FBP1: variants seen among roughly 807,000 people sequenced by gnomAD.
FBP1 encodes the protein fructose-bisphosphatase 1.
In FBP1, 22 loss-of-function variants were observed where a neutral mutation model predicts 29.9. That is an observed-to-expected ratio of 0.74 (90% CI 0.53 to 1.05). FBP1 has a LOEUF of 1.05. FBP1 is among the 50% of genes least tolerant of loss of function. The probability of loss-of-function intolerance (pLI) is 0.00; values close to 1 mark genes in which losing one functional copy is unlikely to be tolerated. For synonymous variants in FBP1, 175 were observed against 178.6 expected (o/e 0.98, Z 0.16); for missense variants, 345 against 448.2 (o/e 0.77, Z 2.08).
At chr9:94,605,370 T>C in intron 6 of FBP1, 87 bp downstream of exon 6, 1 of 1,451,838 alleles carries the variant, frequency 6.9e-7, no homozygotes, top group African/African-American at 1.4e-5. Flanking sequence ...GCGTAATAGC[T>C]AGCAAAACCT....
At chr9:94,620,682 A>G (rs1388281127) in intron 1 of FBP1, among the ~76,000 whole-genome samples, 191 bp from the exon 2 acceptor site, 2 of 152,196 alleles carry the variant, frequency 1.3e-5, no homozygotes, top group African/African-American at 4.8e-5. Flanking sequence ...CAAACACCAC[A>G]TGTTCTCACT....
chr9:94,605,723 A>T (rs1827688123), intron 5 of FBP1, 147 bp from the exon 6 acceptor site: 1 of 771,632 alleles, frequency 1.3e-6, no homozygotes, highest in South Asian at 1.6e-5. Flanking sequence ...ATGTGATGAG[A>T]ATCCTGTTCC....
At chr9:94,629,276 G>C (rs540129106) in intron 1 of FBP1, among the ~76,000 whole-genome samples, 3 of 152,290 alleles carry the variant, frequency 2.0e-5, no homozygotes, top group Non-Finnish European at 4.4e-5. Context: ...CACCACACCT[G>C]GCCAAAGGTT....
At chr9:94,637,865 C>T (rs1038610790) in intron 1 of FBP1, among the ~76,000 whole-genome samples, 4 of 151,760 alleles carry the variant, frequency 2.6e-5, no homozygotes, top group African/African-American at 7.3e-5. Context: ...AAGGCATCAC[C>T]GGAGGTCGGG....
intron 1 of FBP1, among the ~76,000 whole-genome samples, chr9:94,634,042 C>A (rs1345112740): frequency 4.7e-5 from 7 of 150,502 alleles, no homozygotes; most frequent in Non-Finnish European, 8.9e-5. Context: ...GCCTGTAATC[C>A]CAGGACTTTG....
chr9:94,632,502 T>C (rs770617940), intron 1 of FBP1, among the ~76,000 whole-genome samples: 1 of 152,246 alleles, frequency 6.6e-6, no homozygotes, highest in African/African-American at 2.4e-5. Flanking sequence ...ACCCCGTCTC[T>C]ACTAAAAATA....
At chr9:94,617,604 G>T (rs985298304) in intron 3 of FBP1, among the ~76,000 whole-genome samples, 164 bp downstream of exon 3, 1 of 151,980 alleles carries the variant, frequency 6.6e-6, no homozygotes, top group Non-Finnish European at 1.5e-5. Context: ...GTGGGTCTTC[G>T]TCATGCAATT....
intron 6 of FBP1, 109 bp downstream of exon 6, chr9:94,605,348 A>G: frequency 8.7e-7 from 1 of 1,153,210 alleles, no homozygotes; most frequent in African/African-American, 1.5e-5. Context: ...ACACGTAGCA[A>G]CCTAGCATGG....
chr9:94,630,288 G>A (rs931027747), intron 1 of FBP1, among the ~76,000 whole-genome samples: 2 of 152,144 alleles, frequency 1.3e-5, no homozygotes, highest in African/African-American at 4.8e-5. Context: ...AGTGGTATTG[G>A]TAATGCCTGC....
chr9:94,603,827 C>T (rs2131470151), intron 6 of FBP1: 1 of 529,436 alleles, frequency 1.9e-6, no homozygotes, highest in Non-Finnish European at 3.5e-6. Flanking sequence ...AAATGTGAGA[C>T]AGACCACCTG....
intron 1 of FBP1, among the ~76,000 whole-genome samples, chr9:94,625,590 T>C (rs1249080543): frequency 6.6e-6 from 1 of 152,058 alleles, no homozygotes; most frequent in Non-Finnish European, 1.5e-5. Context: ...GGTCAGGAGA[T>C]CGAGACCATC....
intron 1 of FBP1, among the ~76,000 whole-genome samples, chr9:94,629,212 C>A (rs1158156699): frequency 1.3e-5 from 2 of 151,902 alleles, no homozygotes; most frequent in Non-Finnish European, 2.9e-5. Context: ...GAACTCCTGA[C>A]CCCACGATCC....
chr9:94,604,307 G>C (rs1400374850), intron 6 of FBP1, among the ~76,000 whole-genome samples: 1 of 152,078 alleles, frequency 6.6e-6, no homozygotes, highest in Non-Finnish European at 1.5e-5. Flanking sequence ...AGAGAAAAGT[G>C]CTGGAAAGCA....
intron 3 of FBP1, among the ~76,000 whole-genome samples, chr9:94,614,499 C>A (rs1827835055): frequency 6.6e-6 from 1 of 151,458 alleles, no homozygotes; most frequent in African/African-American, 2.4e-5. Flanking sequence ...GAGATGGCGC[C>A]ACTGCACTCC....
chr9:94,639,574 C>T (rs1828254800), upstream of FBP1: 1 of 573,412 alleles, frequency 1.7e-6, no homozygotes, highest in Non-Finnish European at 3.1e-6. Flanking sequence ...GGCCCCCCGC[C>T]CCCGGGAACA....
chr9:94,615,854 G>T (rs1341474065), intron 3 of FBP1, among the ~76,000 whole-genome samples: 1 of 147,154 alleles, frequency 6.8e-6, no homozygotes, highest in Non-Finnish European at 1.5e-5. Context: ...TTGAGACGGA[G>T]TCTAGCTCTG....
intron 6 of FBP1, 71 bp downstream of exon 6, chr9:94,605,386 C>G (rs1022528336): frequency 6.4e-7 from 1 of 1,554,088 alleles, no homozygotes. Flanking sequence ...AACCTTTCTT[C>G]TTCCTAAACT....
chr9:94,630,140 A>G (rs1270233433), intron 1 of FBP1, among the ~76,000 whole-genome samples: 1 of 152,230 alleles, frequency 6.6e-6, no homozygotes, highest in Non-Finnish European at 1.5e-5. Context: ...TGGAAAAAAG[A>G]ATATTTTGTT....
At chr9:94,613,195 G>A (rs981007702) in intron 3 of FBP1, among the ~76,000 whole-genome samples, 1 of 152,276 alleles carries the variant, frequency 6.6e-6, no homozygotes, top group East Asian at 1.9e-4. Flanking sequence ...GACATTGCAA[G>A]TTAGAGTATG....
Sources: allele counts gnomAD v4.1 joint callset (sites outside exome capture counted in the v4.1 genomes callset), GRCh38; gene constraint gnomAD v4.1.1; transcripts MANE v1.5; gene names NCBI Gene and HGNC (gene_info 2026-07-23, HGNC 2026-07-21).